Variants in PRKCH observed in about 807,000 individuals in gnomAD.
PRKCH encodes protein kinase C eta, also known as protein kinase C eta type.
Under a neutral mutation model 82.5 loss-of-function variants are expected in PRKCH, and 28 were observed. That is an observed-to-expected ratio of 0.34 (90% CI 0.25 to 0.47). PRKCH has a LOEUF of 0.47. Among genes scored for constraint, PRKCH ranks in the 20% least tolerant of loss-of-function variants. PRKCH has a pLI of 1.00. For missense variants in PRKCH, 705 were observed against 881.8 expected (o/e 0.80, Z 2.54); for synonymous variants, 322 against 327.4 (o/e 0.98, Z 0.18).
chr14:61,460,264 T>A (rs574314500), intron 9 of PRKCH, among the ~76,000 whole-genome samples: 1 of 152,344 alleles, frequency 6.6e-6, no homozygotes, highest in South Asian at 2.1e-4. Context: ...GAACATGACA[T>A]AATTAATTTA....
intron 1 of PRKCH, among the ~76,000 whole-genome samples, chr14:61,327,400 T>G (rs2045712556): frequency 6.6e-6 from 1 of 152,258 alleles, no homozygotes; most frequent in African/African-American, 2.4e-5. Context: ...GGAAGGAATG[T>G]CTAACACTGA....
chr14:61,469,507 G>A (rs1171244054), intron 9 of PRKCH, among the ~76,000 whole-genome samples: 2 of 152,196 alleles, frequency 1.3e-5, no homozygotes, highest in African/African-American at 4.8e-5. Context: ...CTAGGAAGCT[G>A]GGTTGAGTCC....
intron 1 of PRKCH, chr14:61,299,892 C>A (rs1327143679): frequency 6.6e-6 from 1 of 152,154 alleles, no homozygotes; most frequent in African/African-American, 2.4e-5. Context: ...AAAATGTGAT[C>A]ATAAACCTAT....
chr14:61,386,073 C>G (rs1484895498), intron 1 of PRKCH, among the ~76,000 whole-genome samples: 1 of 152,202 alleles, frequency 6.6e-6, no homozygotes, highest in Non-Finnish European at 1.5e-5. Context: ...ATAATTTTGA[C>G]TATATTCCCC....
At chr14:61,241,868 G>A (rs1047370789) in intron 1 of PRKCH, among the ~76,000 whole-genome samples, 1 of 152,170 alleles carries the variant, frequency 6.6e-6, no homozygotes, top group Non-Finnish European at 1.5e-5. Context: ...TTTATGAGAT[G>A]AAGCGTGTTT....
At chr14:61,197,556 T>C (rs533404958) in intron 1 of PRKCH, among the ~76,000 whole-genome samples, 1 of 152,312 alleles carries the variant, frequency 6.6e-6, no homozygotes, top group Admixed American at 6.5e-5. Flanking sequence ...TCTCTCTTCC[T>C]CTGCTTCTAG....
intron 1 of PRKCH, among the ~76,000 whole-genome samples, chr14:61,205,581 C>G (rs753938700): frequency 6.6e-6 from 1 of 152,172 alleles, no homozygotes; most frequent in Admixed American, 6.5e-5. Context: ...GTGAGGTGAG[C>G]ACTTCCTGCC....
Position 61,451,631 on chromosome 14 carries a change from G to A in PRKCH, c.832+660G>A, listed in dbSNP as rs75132577. 9.5e-3 allele frequency among the ~76,000 whole-genome samples: 1,440 copies of A among 152,330 alleles called. 25 individuals carry two copies. Among genetic ancestry groups the A allele is most frequent in the African/African-American group, 0.033 (1,377 of 41,586 alleles). On this transcript the variant is annotated intron_variant, in intron 6 of 13. Transcript: ENST00000332981. ...CCTAGCAAAGGCTCTGAGTGGGTGA[G>A]AGCTGATCCCTGTCCTGTTAGGAGT...
At chr14:61,297,347 T>G (rs2045413916) in intron 1 of PRKCH, among the ~76,000 whole-genome samples, 1 of 152,214 alleles carries the variant, frequency 6.6e-6, no homozygotes, top group Non-Finnish European at 1.5e-5. Context: ...TTCCTTTCTG[T>G]GTGACACAAG....
chr14:61,547,065 G>A (rs1311571594), intron 12 of PRKCH, among the ~76,000 whole-genome samples: 3 of 152,178 alleles, frequency 2.0e-5, no homozygotes, highest in East Asian at 3.8e-4. Flanking sequence ...TTAGTTTTTG[G>A]TCTATGGAGC....
intron 1 of PRKCH, chr14:61,344,508 A>G (rs2045967522): frequency 6.6e-6 from 1 of 152,234 alleles, no homozygotes; most frequent in African/African-American, 2.4e-5. Flanking sequence ...TCAGTAACTT[A>G]CTTGAGAGGA....
At chr14:61,366,608 A>C (rs2046299733) in intron 1 of PRKCH, among the ~76,000 whole-genome samples, 1 of 152,072 alleles carries the variant, frequency 6.6e-6, no homozygotes, top group Non-Finnish European at 1.5e-5. Flanking sequence ...TCCTGTGTAT[A>C]AGGAAATGGA....
intron 1 of PRKCH, among the ~76,000 whole-genome samples, chr14:61,199,957 T>C (rs1223455191): frequency 6.6e-6 from 1 of 152,254 alleles, no homozygotes; most frequent in Non-Finnish European, 1.5e-5. Context: ...CTAGCTTTCC[T>C]TATCAAGGAA....
intron 2 of PRKCH, among the ~76,000 whole-genome samples, chr14:61,395,290 G>GC (rs5809093): frequency 0.065 from 8,011 of 123,988 alleles, 656 homozygotes; most frequent in African/African-American, 0.13. Flanking sequence ...AGGAAATGGA[G>GC]CCCCCCCCCG....
intron 1 of PRKCH, among the ~76,000 whole-genome samples, chr14:61,316,100 T>C (rs981429069): frequency 2.0e-5 from 3 of 152,218 alleles, no homozygotes; most frequent in Non-Finnish European, 4.4e-5. Context: ...AGTAATTACA[T>C]AATATTCCAT....
At chr14:61,515,371 A>G (rs1393761424) in intron 10 of PRKCH, among the ~76,000 whole-genome samples, 1 of 152,160 alleles carries the variant, frequency 6.6e-6, no homozygotes, top group African/African-American at 2.4e-5. Context: ...TCCTCGTTCA[A>G]CTTATTCTAC....
intron 1 of PRKCH, among the ~76,000 whole-genome samples, chr14:61,219,604 T>C (rs1175521658): frequency 1.3e-5 from 2 of 152,368 alleles, no homozygotes; most frequent in African/African-American, 4.8e-5. Flanking sequence ...TAAAATGTTG[T>C]CATTATATAG....
At chr14:61,377,158 C>G (rs940197185) in intron 1 of PRKCH, among the ~76,000 whole-genome samples, 21 of 152,338 alleles carry the variant, frequency 1.4e-4, no homozygotes, top group Admixed American at 1.3e-4. Context: ...CTTCTCCTCT[C>G]TTTTGAAGCT....
intron 1 of PRKCH, chr14:61,281,064 C>A: frequency 6.6e-7 from 1 of 1,518,696 alleles, no homozygotes; most frequent in Non-Finnish European, 8.8e-7. Context: ...CCGACAGCAG[C>A]GGCTGCCAGG....
Sources: allele counts gnomAD v4.1 joint callset (sites outside exome capture counted in the v4.1 genomes callset), GRCh38; gene constraint gnomAD v4.1.1; transcripts MANE v1.5; gene names NCBI Gene and HGNC (gene_info 2026-07-23, HGNC 2026-07-21).